Variants in WDR27 observed in about 807,000 individuals in gnomAD.
WDR27 encodes the protein WD repeat-containing protein 27.
A neutral mutation model predicts 114.4 loss-of-function variants in WDR27; 100 were observed. The observed-to-expected ratio is 0.87, with a 90% CI of 0.74 to 1.03. WDR27 has a LOEUF of 1.03. WDR27 is among the 50% of genes least tolerant of loss of function. The pLI is 0.00. For missense variants in WDR27, 1,129 were observed against 1,092.9 expected (o/e 1.03, Z -0.47); for synonymous variants, 449 against 423.1 (o/e 1.06, Z -0.75).
chr6:169,573,049 T>A (rs187814776), intron 24 of WDR27, among the ~76,000 whole-genome samples: 1 of 152,084 alleles, frequency 6.6e-6, no homozygotes, highest in East Asian at 1.9e-4. Flanking sequence ...AGACCTTCCC[T>A]CCGCACTCCT....
At chr6:169,452,432 G>A (rs1784186805), downstream of WDR27, among the ~76,000 whole-genome samples, 1 of 152,252 alleles carries the variant, frequency 6.6e-6, no homozygotes. Flanking sequence ...GTTTCTGTGA[G>A]GATCACCCTG....
chr6:169,635,178 C>T (rs1817368222), intron 19 of WDR27, among the ~76,000 whole-genome samples: 1 of 150,202 alleles, frequency 6.7e-6, no homozygotes, highest in South Asian at 2.1e-4. Context: ...CCAGCCTGGC[C>T]AACATAGTGC....
intron 10 of WDR27, among the ~76,000 whole-genome samples, chr6:169,660,387 C>A (rs1825738797): frequency 6.6e-6 from 1 of 152,238 alleles, no homozygotes; most frequent in South Asian, 2.1e-4. Flanking sequence ...GTGTTCCACG[C>A]TGCTGGGGCC....
chr6:169,468,739 T>C (rs1785934854), intron 25 of WDR27, among the ~76,000 whole-genome samples: 1 of 152,188 alleles, frequency 6.6e-6, no homozygotes, highest in Non-Finnish European at 1.5e-5. Flanking sequence ...GCCAGATGTC[T>C]CAGTCTGCTT....
At chr6:169,475,894 AT>A (rs527822100) in intron 25 of WDR27, among the ~76,000 whole-genome samples, 1 of 152,072 alleles carries the variant, frequency 6.6e-6, no homozygotes, top group Non-Finnish European at 1.5e-5. Context: ...TCTCCTACAT[AT>A]TTTTTTGGAA....
chr6:169,621,259 C>T (rs755679960), intron 21 of WDR27, among the ~76,000 whole-genome samples: 8 of 151,950 alleles, frequency 5.3e-5, no homozygotes, highest in Admixed American at 2.6e-4. Flanking sequence ...CCCACACATA[C>T]ATTCATGCAT....
intron 25 of WDR27, among the ~76,000 whole-genome samples, chr6:169,491,151 C>A (rs1404251447): frequency 1.3e-5 from 2 of 152,148 alleles, no homozygotes; most frequent in East Asian, 3.9e-4. Flanking sequence ...CATTTAAGAG[C>A]TTCCTGGAAA....
At chr6:169,546,845 C>T (rs1797511588) in intron 25 of WDR27, among the ~76,000 whole-genome samples, 2 of 151,996 alleles carry the variant, frequency 1.3e-5, no homozygotes, top group Admixed American at 6.5e-5. Context: ...AAACTACTGG[C>T]GAGATCTCAC....
intron 25 of WDR27, among the ~76,000 whole-genome samples, chr6:169,545,228 A>G (rs1023460755): frequency 6.6e-6 from 1 of 152,248 alleles, no homozygotes; most frequent in Non-Finnish European, 1.5e-5. Context: ...AACAGGATAG[A>G]GAATGAAGAA....
chr6:169,535,528 T>C (rs1420670249), intron 25 of WDR27, among the ~76,000 whole-genome samples: 2 of 152,160 alleles, frequency 1.3e-5, no homozygotes, highest in Non-Finnish European at 2.9e-5. Flanking sequence ...TAATCTAACA[T>C]AAATCATGAA....
Position 169,668,139 on chromosome 6 carries a change from C to A in WDR27, c.503G>T (p.Arg168Leu). ...GAAGGTCGGTGGTGGGACTTTGTGG[C>A]GGTTATTAACATCAGGACGTTCTAT... Reference protein sequence around the residue: ...TYIERPDVNNRHKVPPPTFLH... With the variant: ...TYIERPDVNNLHKVPPPTFLH... Residue 168 changes from arginine (R) to leucine (L), a missense_variant, in exon 5 of 26, where the codon CGC (arginine) becomes CTC (leucine). Coordinates refer to ENST00000448612, the MANE Select transcript of WDR27 (RefSeq NM_182552.5). 1 of 1,613,988 alleles carries A rather than the reference C, an allele frequency of 6.2e-7. No individual in the cohort carries two copies. The highest frequency in any genetic ancestry group is 8.5e-7 in the Non-Finnish European group (1 of 1,179,884).
intron 13 of WDR27, among the ~76,000 whole-genome samples, chr6:169,654,732 C>CAGG (rs1369792505): frequency 6.7e-6 from 1 of 149,360 alleles, no homozygotes; most frequent in African/African-American, 2.5e-5. Flanking sequence ...GAGGCGCGCA[C>CAGG]AGGAGGAGGC....
chr6:169,430,232 AGAAGGGAGAGCTTGGT>A, the WDR27 span, among the ~76,000 whole-genome samples: 2 of 152,260 alleles, frequency 1.3e-5, no homozygotes, highest in East Asian at 3.8e-4. Flanking sequence ...ACCTGAAGAA[AGAAGGGAGAGCTTGGT>A]GAGCACCCGC....
chr6:169,581,469 G>A (rs954464144), intron 24 of WDR27, among the ~76,000 whole-genome samples: 4 of 152,170 alleles, frequency 2.6e-5, no homozygotes, highest in Non-Finnish European at 5.9e-5. Context: ...TGTGGAATAG[G>A]TGATGGCACA....
intron 23 of WDR27, among the ~76,000 whole-genome samples, chr6:169,585,379 T>C (rs1276202234): frequency 1.3e-5 from 2 of 152,192 alleles, no homozygotes; most frequent in African/African-American, 2.4e-5. Context: ...CCTTCAGATG[T>C]AGGCCTTCCC....
chr6:169,493,010 A>G (rs1789965579), intron 25 of WDR27, among the ~76,000 whole-genome samples: 3 of 152,240 alleles, frequency 2.0e-5, no homozygotes, highest in Admixed American at 1.3e-4. Flanking sequence ...GGGAAATAGC[A>G]GAATTCATAT....
At chr6:169,493,491 G>A (rs1270113456) in intron 25 of WDR27, among the ~76,000 whole-genome samples, 1 of 151,778 alleles carries the variant, frequency 6.6e-6, no homozygotes, top group African/African-American at 2.4e-5. Context: ...AACTTAAGAT[G>A]TTCAAATTTT....
chr6:169,554,324 G>A (rs887387733), intron 25 of WDR27, among the ~76,000 whole-genome samples: 3 of 152,160 alleles, frequency 2.0e-5, no homozygotes, highest in Admixed American at 2.0e-4. Context: ...AAAGGTTGAT[G>A]GTGAATGCAG....
In WDR27 at chr6:169,670,627, A is replaced by G. The variant is rs4236176; in HGVS notation, c.398T>C (p.Leu133Pro). 501,379 of 1,613,534 alleles carry G rather than the reference A, an allele frequency of 0.31. 93,630 individuals are homozygous for G. The highest frequency in any genetic ancestry group is 0.92 in the East Asian group (41,454 of 44,850). The change falls in exon 4 of 26, where the codon CTG becomes CCG. Residue 133 changes from leucine (L) to proline (P), a missense_variant. Physicochemically the swap from Leu to Pro is moderately conservative, Grantham distance 98 (BLOSUM62 -3). Coordinates refer to ENST00000448612, the MANE Select transcript of WDR27 (RefSeq NM_182552.5). ...LGKVLCLQLSLDDHVVAVCAG... is the reference protein window; with the variant it reads ...LGKVLCLQLSPDDHVVAVCAG... Reference sequence around the variant, plus strand: ...ACACACGGCAACAACATGATCATCCAGGCTCAACTGTAAACACAGCACCTT... The same window carrying G: ...ACACACGGCAACAACATGATCATCCGGGCTCAACTGTAAACACAGCACCTT...
Sources: gnomAD v4.1 joint callset for allele counts (sites outside exome capture counted in the v4.1 genomes callset) on GRCh38, gnomAD v4.1.1 for gene constraint, MANE v1.5 for transcripts, NCBI Gene and HGNC (gene_info 2026-07-23, HGNC 2026-07-21) for gene names.